Variants in FMN1 observed in about 807,000 individuals in gnomAD.
FMN1 encodes the protein formin-1.
FMN1 carries 110 observed loss-of-function variants against 132.4 expected under a neutral mutation model. The ratio of observed to expected loss-of-function variants is 0.83; its 90% CI spans 0.71 to 0.97. The LOEUF is 0.97. Among genes scored for constraint, FMN1 ranks in the 50% least tolerant of loss-of-function variants. FMN1 has a pLI of 0.00. For missense variants in FMN1, 1,792 were observed against 1,705.3 expected, an observed-to-expected ratio of 1.05 and a Z score of -0.90; for synonymous variants, 722 against 651.7, an observed-to-expected ratio of 1.11 and a Z score of -1.64.
At chr15:33,104,902 G>GA (rs1304881099) in intron 4 of FMN1, among the ~76,000 whole-genome samples, 1 of 152,038 alleles carries the variant, frequency 6.6e-6, no homozygotes, top group Admixed American at 6.6e-5. Context: ...ACCATCCAAA[G>GA]AAAGAGCAAA....
At chr15:33,171,549 C>T (rs1023807409) in intron 3 of FMN1, among the ~76,000 whole-genome samples, 2 of 152,064 alleles carry the variant, frequency 1.3e-5, no homozygotes, top group African/African-American at 4.8e-5. Context: ...GAAATGCCAA[C>T]ATTTATAATA....
intron 7 of FMN1, among the ~76,000 whole-genome samples, chr15:32,975,724 TCA>T (rs2032150818): frequency 6.6e-6 from 1 of 152,134 alleles, no homozygotes; most frequent in Admixed American, 6.5e-5. Flanking sequence ...AGAATTCTCT[TCA>T]CAGTCAGCTC....
chr15:32,949,942 T>TATATATATATATATATACACAC (rs2061589213), intron 9 of FMN1, among the ~76,000 whole-genome samples: 2 of 41,796 alleles, frequency 4.8e-5, no homozygotes, highest in Admixed American at 5.6e-4. Context: ...CCAAAAAGCA[T>TATATATATATATATATACACAC]ATATATATAT....
At chr15:33,058,195 G>T (rs181081539) in intron 6 of FMN1, among the ~76,000 whole-genome samples, 14 of 152,196 alleles carry the variant, frequency 9.2e-5, no homozygotes, top group African/African-American at 3.1e-4. Context: ...TTGGTGGCTG[G>T]CAATAGATGG....
rs375305897 is a variant in FMN1 at position 33,064,920 on chromosome 15, G to C, written c.2161+37C>G. The C allele has an allele frequency of 1.4e-4, 199 of 1,429,608 alleles. 1 individual carries two copies. In the African/African-American group the frequency reaches 2.5e-3, roughly 18 times the overall value. The allele number at this position is 1,429,608 out of a possible 1,614,324, so 88.6% of individuals were successfully genotyped here. A position where few individuals can be genotyped will look rare whatever the true frequency, so the allele number is the denominator to read the frequency against. ...AGAACTAAAAGCCATTGCAGGAAGA[G>C]ATTCATTCCCGGGTCCCTAGCTTCC... On this transcript the variant is annotated intron_variant, in intron 6 of 20. Transcript: ENST00000616417.
chr15:33,133,829 A>G (rs1035265210), intron 4 of FMN1, among the ~76,000 whole-genome samples: 6 of 152,364 alleles, frequency 3.9e-5, no homozygotes, highest in African/African-American at 1.4e-4. Flanking sequence ...TGTGCTATAG[A>G]TGAAACATTA....
At chr15:32,944,172 T>C (rs2140456755) in intron 9 of FMN1, among the ~76,000 whole-genome samples, 1 of 152,330 alleles carries the variant, frequency 6.6e-6, no homozygotes, top group Non-Finnish European at 1.5e-5. Context: ...TAACCGCTTC[T>C]TTGGAAATAT....
intron 17 of FMN1, among the ~76,000 whole-genome samples, chr15:32,838,186 T>TGG (rs1163067510): frequency 1.3e-5 from 2 of 148,472 alleles, no homozygotes; most frequent in African/African-American, 5.0e-5. Context: ...CATAAGGGGG[T>TGG]GGAGGAGATG....
At chr15:33,058,083 G>GGCGGGGCTGGT (rs2037313658) in intron 6 of FMN1, among the ~76,000 whole-genome samples, 63 of 151,856 alleles carry the variant, frequency 4.1e-4, no homozygotes, top group Non-Finnish European at 6.8e-4. Context: ...GGAAAGGTGT[G>GGCGGGGCTGGT]ATGGGGGTGC....
intron 6 of FMN1, among the ~76,000 whole-genome samples, chr15:33,034,401 T>C (rs1202076876): frequency 1.3e-5 from 2 of 152,108 alleles, no homozygotes; most frequent in Non-Finnish European, 1.5e-5. Context: ...ATAGAAGACC[T>C]TATTTCTACT....
intron 6 of FMN1, among the ~76,000 whole-genome samples, chr15:33,033,043 TG>T (rs2036013443): frequency 6.6e-6 from 1 of 152,194 alleles, no homozygotes; most frequent in Non-Finnish European, 1.5e-5. Flanking sequence ...GTTTGTTTTT[TG>T]TTTTTAAATG....
At chr15:33,027,490 GACT>G (rs1163208491) in intron 6 of FMN1, among the ~76,000 whole-genome samples, 1 of 152,134 alleles carries the variant, frequency 6.6e-6, no homozygotes, top group Non-Finnish European at 1.5e-5. Flanking sequence ...AGAAATTGGG[GACT>G]ACATTTGCAC....
At chr15:32,852,159 G>T (rs928025155) in intron 17 of FMN1, among the ~76,000 whole-genome samples, 2 of 152,014 alleles carry the variant, frequency 1.3e-5, no homozygotes, top group African/African-American at 4.8e-5. Flanking sequence ...CTACCTGCGC[G>T]TCTCACATGT....
At chr15:33,112,530 G>C (rs190432450) in intron 4 of FMN1, among the ~76,000 whole-genome samples, 7 of 152,098 alleles carry the variant, frequency 4.6e-5, no homozygotes, top group African/African-American at 1.7e-4. Flanking sequence ...AGAGCATTCG[G>C]TACCTGCAGC....
intron 4 of FMN1, among the ~76,000 whole-genome samples, chr15:33,110,263 G>A (rs2039649658): frequency 1.3e-5 from 2 of 151,956 alleles, no homozygotes; most frequent in African/African-American, 2.4e-5. Context: ...TACATAGATG[G>A]TCTATTCTCT....
At chr15:33,001,154 A>G (rs908844239) in intron 7 of FMN1, among the ~76,000 whole-genome samples, 1 of 152,180 alleles carries the variant, frequency 6.6e-6, no homozygotes, top group African/African-American at 2.4e-5. Context: ...GTGGTAGCAC[A>G]TGCTTGTAAT....
chr15:32,855,455 C>T (rs1256607085), intron 17 of FMN1, among the ~76,000 whole-genome samples: 3 of 152,140 alleles, frequency 2.0e-5, no homozygotes, highest in Non-Finnish European at 2.9e-5. Flanking sequence ...AAGAGGCTAA[C>T]ACATTATCCC....
At chr15:32,907,608 C>A (rs1567369435) in intron 12 of FMN1, among the ~76,000 whole-genome samples, 1 of 152,142 alleles carries the variant, frequency 6.6e-6, no homozygotes. Flanking sequence ...AGCCGGAGAA[C>A]CTTGGAAGTT....
In FMN1 at chr15:32,984,978, C is replaced by CAAAAAAAAAAAAAAAAA. The variant is rs11330959; in HGVS notation, c.2224-15518_2224-15502dup. On this transcript the variant is annotated intron_variant, in intron 7 of 20. Transcript: ENST00000616417. ...TTTTCTCTGTTTGTTCATCCATCAC[C>CAAAAAAAAAAAAAAAAA]AAAAAAAAAAAAAAAAAAAAAAGAA... Among the ~76,000 whole-genome samples, 123 of 97,216 alleles carry CAAAAAAAAAAAAAAAAA rather than the reference C, an allele frequency of 1.3e-3. 2 individuals are homozygous for CAAAAAAAAAAAAAAAAA. Among genetic ancestry groups the CAAAAAAAAAAAAAAAAA allele is most frequent in the African/African-American group, 4.0e-3 (109 of 27,070 alleles). 63.8% of individuals were successfully genotyped at this position (97,216 alleles called of 152,430 possible). A position where few individuals can be genotyped will look rare whatever the true frequency, so the allele number is the denominator to read the frequency against.
Sources: gnomAD v4.1 joint callset for allele counts (sites outside exome capture counted in the v4.1 genomes callset) on GRCh38, gnomAD v4.1.1 for gene constraint, MANE v1.5 for transcripts, NCBI Gene and HGNC (gene_info 2026-07-23, HGNC 2026-07-21) for gene names.